The following SNX13 variants were observed in gnomAD, a reference collection of about 807,000 sequenced individuals.
SNX13 encodes sorting nexin 13, also known as sorting nexin-13.
A neutral mutation model predicts 133.6 loss-of-function variants in SNX13; 45 were observed. That is an observed-to-expected ratio of 0.34 (90% CI 0.27 to 0.43). SNX13 has a LOEUF of 0.43. Ranked by LOEUF, SNX13 falls within the 20% of genes least tolerant of loss-of-function variation. The pLI is 1.00. For missense variants in SNX13, 1,032 were observed against 1,145.1 expected, an observed-to-expected ratio of 0.90 and a Z score of 1.43; for synonymous variants, 414 against 373.9, an observed-to-expected ratio of 1.11 and a Z score of -1.24.
chr7:17,834,294 G>A, intron 14 of SNX13, 110 bp from the exon 15 acceptor site: 1 of 908,340 alleles, frequency 1.1e-6, no homozygotes, highest in South Asian at 2.8e-5. Flanking sequence ...ATGTATCATA[G>A]TTACAAGCTG....
At chr7:17,798,558 T>C (rs961976707) in intron 24 of SNX13, 132 bp downstream of exon 24, 4 of 626,678 alleles carry the variant, frequency 6.4e-6, no homozygotes, top group Non-Finnish European at 1.1e-5. Flanking sequence ...TTCTTAGAAG[T>C]CTTTTTGCTC....
chr7:17,846,943 G>C (rs1178515956), intron 11 of SNX13, among the ~76,000 whole-genome samples: 1 of 152,154 alleles, frequency 6.6e-6, no homozygotes, highest in Non-Finnish European at 1.5e-5. Flanking sequence ...TGGGGATTCT[G>C]AGTTTACTTA....
intron 1 of SNX13, among the ~76,000 whole-genome samples, chr7:17,905,030 G>A (rs1798244826): frequency 6.6e-6 from 1 of 152,122 alleles, no homozygotes; most frequent in South Asian, 2.1e-4. Flanking sequence ...ACCAAGGGAA[G>A]GAGGGAAAGG....
At chr7:17,876,448 C>T (rs1027962085) in intron 5 of SNX13, among the ~76,000 whole-genome samples, 1 of 151,920 alleles carries the variant, frequency 6.6e-6, no homozygotes, top group Non-Finnish European at 1.5e-5. Flanking sequence ...GGCATGGTGG[C>T]ATGCACCTAT....
chr7:17,851,544 T>G (rs1419926296), intron 9 of SNX13, among the ~76,000 whole-genome samples: 1 of 152,172 alleles, frequency 6.6e-6, no homozygotes, highest in Admixed American at 6.6e-5. Context: ...GAATGTTTTC[T>G]GGTAAGACGG....
intron 20 of SNX13, among the ~76,000 whole-genome samples, chr7:17,805,153 GGAGA>G (rs1183068664): frequency 6.7e-6 from 1 of 150,132 alleles, no homozygotes; most frequent in African/African-American, 2.4e-5. Context: ...GACCACTGGT[GGAGA>G]GAAACATAAA....
At chr7:17,937,020 T>TA (rs536495058) in intron 1 of SNX13, among the ~76,000 whole-genome samples, 11,768 of 74,916 alleles carry the variant, frequency 0.16, 617 homozygotes, top group Non-Finnish European at 0.21. Flanking sequence ...TAAAATAAAA[T>TA]AAAAAAAAAA....
intron 11 of SNX13, among the ~76,000 whole-genome samples, chr7:17,848,147 G>A (rs1284688776): frequency 3.3e-5 from 5 of 152,082 alleles, no homozygotes; most frequent in Admixed American, 6.5e-5. Context: ...GACTACGGCT[G>A]GACATTGGAG....
chr7:17,861,547 T>C (rs538261614), intron 9 of SNX13, among the ~76,000 whole-genome samples: 1 of 152,178 alleles, frequency 6.6e-6, no homozygotes, highest in African/African-American at 2.4e-5. Flanking sequence ...TCCAATAAAA[T>C]CTCAGGAAAT....
intron 18 of SNX13, among the ~76,000 whole-genome samples, chr7:17,817,620 A>G (rs1266076519): frequency 2.0e-5 from 3 of 152,218 alleles, no homozygotes; most frequent in Non-Finnish European, 4.4e-5. Flanking sequence ...TTACTCCAGT[A>G]TTGGGAGGAA....
At chr7:17,799,821 A>G (rs960033191) in intron 22 of SNX13, among the ~76,000 whole-genome samples, 1 of 151,862 alleles carries the variant, frequency 6.6e-6, no homozygotes, top group African/African-American at 2.4e-5. Context: ...TTGATGCAAA[A>G]AAATACGTAT....
At chr7:17,843,121 T>C (rs758127572) in intron 12 of SNX13, among the ~76,000 whole-genome samples, 4 of 151,918 alleles carry the variant, frequency 2.6e-5, no homozygotes, top group Non-Finnish European at 5.9e-5. Context: ...TGATCAAACT[T>C]TCTAATCAAA....
chr7:17,931,783 TAAG>T (rs1323370937), intron 1 of SNX13, among the ~76,000 whole-genome samples: 27 of 152,220 alleles, frequency 1.8e-4, no homozygotes, highest in Non-Finnish European at 4.4e-5. Context: ...GATCCTCTCA[TAAG>T]TATATTTACA....
intron 9 of SNX13, among the ~76,000 whole-genome samples, chr7:17,866,740 C>G (rs1057160195): frequency 1.3e-5 from 2 of 152,130 alleles, no homozygotes; most frequent in Admixed American, 1.3e-4. Context: ...GAAGGAATGG[C>G]TAATGGGTAT....
At chr7:17,859,638 G>C (rs974756573) in intron 9 of SNX13, among the ~76,000 whole-genome samples, 1 of 151,958 alleles carries the variant, frequency 6.6e-6, no homozygotes, top group African/African-American at 2.4e-5. Flanking sequence ...CTTTTATGTT[G>C]AAAACTGAAA....
At chr7:17,878,796 C>T (rs1795016939) in intron 5 of SNX13, among the ~76,000 whole-genome samples, 1 of 152,120 alleles carries the variant, frequency 6.6e-6, no homozygotes, top group Non-Finnish European at 1.5e-5. Flanking sequence ...CTATTTCACC[C>T]TCTCCCTTCC....
chr7:17,798,713 T>C lies in SNX13; in HGVS notation c.2490A>G (p.Val830=), dbSNP rs1204909198. ...ACCTGAAACGTTTCACTGAGTCGGCTACTTGTTCAGGTGAAGTCATCCAGT... is the reference window on the plus strand; with the variant it reads ...ACCTGAAACGTTTCACTGAGTCGGCCACTTGTTCAGGTGAAGTCATCCAGT... ...HVDWMTSPEQ[V]ADSVKRFRDA... is the part of the protein sequence containing the mutation. Residue 830 remains valine (V), a synonymous_variant, in exon 24 of 26, where the codon GTA becomes GTG. Coordinates refer to ENST00000428135, the MANE Select transcript of SNX13 (RefSeq NM_015132.5). 6.3e-7 allele frequency: 1 copy of C among 1,577,642 alleles called. No homozygotes were observed. Among genetic ancestry groups the C allele is most frequent in the Non-Finnish European group, 8.6e-7 (1 of 1,163,904 alleles).
intron 1 of SNX13, among the ~76,000 whole-genome samples, chr7:17,910,946 G>A (rs1798911169): frequency 6.6e-6 from 1 of 152,288 alleles, no homozygotes; most frequent in South Asian, 2.1e-4. Context: ...TGATAAAAAT[G>A]TTCTGACACT....
chr7:17,796,763 T>G (rs1453591409), intron 25 of SNX13, 64 bp downstream of exon 25: 2 of 1,191,662 alleles, frequency 1.7e-6, no homozygotes, highest in African/African-American at 3.0e-5. Flanking sequence ...ACTGGCATGA[T>G]GAATGCTAAA....
Sources: allele counts gnomAD v4.1 joint callset (sites outside exome capture counted in the v4.1 genomes callset), GRCh38; gene constraint gnomAD v4.1.1; transcripts MANE v1.5; gene names NCBI Gene and HGNC (gene_info 2026-07-23, HGNC 2026-07-21).